NICN1: variants seen among roughly 807,000 people sequenced by gnomAD.
NICN1 encodes nicolin 1, tubulin polyglutamylase complex subunit, also known as nicolin-1.
A neutral mutation model predicts 26.3 loss-of-function variants in NICN1; 18 were observed. The observed-to-expected ratio is 0.68, with a 90% confidence interval of 0.47 to 1.01. The LOEUF is 1.01. Among genes scored for constraint, NICN1 ranks in the 50% least tolerant of loss-of-function variants. The probability of loss-of-function intolerance (pLI) is 0.00; values close to 1 mark genes in which losing one functional copy is unlikely to be tolerated. For missense variants in NICN1, 239 were observed against 278.3 expected (o/e 0.86, Z 1.00); for synonymous variants, 109 against 111.0 (o/e 0.98, Z 0.11).
chr3:49,425,384 G>T lies in NICN1; in HGVS notation c.478C>A (p.Pro160Thr), dbSNP rs548393212. The T allele has an allele frequency of 6.2e-7, 1 of 1,613,238 alleles. No homozygotes were observed. The highest frequency in any genetic ancestry group is 8.5e-7 in the Non-Finnish European group (1 of 1,179,820). ...WLSHPVPCEQ[P>T]ALLREGLPDP... ...GGGCTTACCTCACGGAGGAGTGCAGGTTGCTCACAGGGCACTGGGTGGGAG... is the reference window on the plus strand; with the variant it reads ...GGGCTTACCTCACGGAGGAGTGCAGTTTGCTCACAGGGCACTGGGTGGGAG... The change falls in exon 4 of 6, where the codon CCT becomes ACT. Residue 160 changes from proline (P) to threonine (T), a missense_variant. Physicochemically the swap from Pro to Thr is conservative, Grantham distance 38. Coordinates refer to ENST00000273598, the MANE Select transcript of NICN1 (RefSeq NM_032316.3).
chr3:49,426,009 C>T lies in NICN1; in HGVS notation c.310-13G>A. On this transcript the variant is annotated splice_polypyrimidine_tract_variant and intron_variant, in intron 2 of 5. Transcript: ENST00000273598. ...TGTCACACAGCATCTGACACACACA[C>T]ACAAGGACCCAGCAAGGATCCAGCT... 6.5e-7 allele frequency: 1 copy of T among 1,533,658 alleles called. No homozygotes were observed. The highest frequency in any genetic ancestry group is 1.1e-5 in the South Asian group (1 of 88,560).
chr3:49,428,661 C>T (rs530012780), intron 1 of NICN1, among the ~76,000 whole-genome samples: 203 of 146,076 alleles, frequency 1.4e-3, no homozygotes, highest in Non-Finnish European at 2.4e-3. Context: ...GCAGAGGTTG[C>T]GGTGAGCCGA....
Position 49,424,746 on chromosome 3 carries a change from G to T in NICN1, c.*87C>A. ...CAGGCATGCAGGCAACACTTGGAAT[G>T]CACAGGAAATACACTTCAGCCTCTG... On this transcript the variant is annotated 3_prime_UTR_variant, in exon 6 of 6. Coordinates refer to ENST00000273598, the MANE Select transcript of NICN1 (RefSeq NM_032316.3). 2 of 1,067,068 alleles carry T rather than the reference G, an allele frequency of 1.9e-6. No individual in the cohort carries two copies. The highest frequency in any genetic ancestry group is 2.9e-6 in the Non-Finnish European group (2 of 682,044). The allele number at this position is 1,067,068 out of a possible 1,614,324, so 66.1% of individuals were successfully genotyped here.
Position 49,424,994 on chromosome 3 carries a change from C to G in NICN1, c.555G>C (p.Glu185Asp). ...CGGAGGTGTGACTGGCCCGGATCAT[C>G]TCTGTCAGTGCCCACATCTGCTGCA... ...SEVQQMWALT[E>D]MIRASHTSAR... Residue 185 changes from glutamate (E) to aspartate (D), a missense_variant, in exon 5 of 6, where the codon GAG becomes GAC. By Grantham distance (45) the Glu-to-Asp change is conservative. Transcript: ENST00000273598. 2 of 1,614,146 alleles carry G rather than the reference C, an allele frequency of 1.2e-6. No homozygotes were observed. Among genetic ancestry groups the G allele is most frequent in the Middle Eastern group, 1.7e-4 (1 of 6,054 alleles).
At chr3:49,428,077 G>C (rs553665802) in intron 1 of NICN1, among the ~76,000 whole-genome samples, 2 of 152,028 alleles carry the variant, frequency 1.3e-5, no homozygotes, top group Non-Finnish European at 2.9e-5. Context: ...AAATTTAGCC[G>C]GGCGTGATGG....
At position 49,424,953 on chromosome 3, in the gene NICN1, A is replaced by G; in HGVS notation, c.596T>C (p.Phe199Ser). 6.2e-7 allele frequency: 1 copy of G among 1,614,080 alleles called. No homozygotes were observed. The highest frequency in any genetic ancestry group is 8.5e-7 in the Non-Finnish European group (1 of 1,179,978). The change falls in exon 5 of 6, where the codon TTT becomes TCT. Residue 199 changes from phenylalanine to serine, a missense_variant. Coordinates refer to ENST00000273598, the MANE Select transcript of NICN1 (RefSeq NM_032316.3). ...ASHTSARIGRFDVDGCYDLNL... is the reference protein window; with the variant it reads ...ASHTSARIGRSDVDGCYDLNL... Reference sequence around the variant, plus strand: ...CAGAAGGAAGCGATTACTTACATCAAAGCGGCCGATCCTTGCGGAGGTGTG... The same window carrying G: ...CAGAAGGAAGCGATTACTTACATCAGAGCGGCCGATCCTTGCGGAGGTGTG...
chr3:49,427,149 G>A (rs969197537), intron 1 of NICN1, among the ~76,000 whole-genome samples: 164 of 151,978 alleles, frequency 1.1e-3, no homozygotes, highest in South Asian at 2.1e-3. Context: ...GTGAAACCCC[G>A]TCTCTACTAA....
chr3:49,422,515 G>A lies in NICN1; in HGVS notation c.*2318C>T, dbSNP rs1390312587. 1 of 1,517,800 alleles carries A rather than the reference G, an allele frequency of 6.6e-7. No homozygotes were observed. 94.0% of individuals were successfully genotyped at this position (1,517,800 alleles called of 1,614,324 possible). On this transcript the variant is annotated 3_prime_UTR_variant, in exon 6 of 6. Transcript: ENST00000273598. ...CACACTGCCAGGCACGCCGGGAGATGTAGTCCAGGCCTCTGCTCGGACAGG... is the reference window on the plus strand; with the variant it reads ...CACACTGCCAGGCACGCCGGGAGATATAGTCCAGGCCTCTGCTCGGACAGG...
Position 49,425,425 on chromosome 3 carries a change from G to C in NICN1, c.437C>G (p.Thr146Ser). ...YQQGPKSPSV[T>S]FPKWLSHPVP... ...TGGGTGGGAGAGCCACTTGGGAAAG[G>C]TCACGGAGGGGCTCTGCAAAGCAAA... The change falls in exon 4 of 6, where the codon ACC (threonine) becomes AGC (serine). Residue 146 changes from threonine to serine, a missense_variant. Coordinates refer to ENST00000273598, the MANE Select transcript of NICN1 (RefSeq NM_032316.3). 4 of 1,612,436 alleles carry C rather than the reference G, an allele frequency of 2.5e-6. No homozygotes were observed. Among genetic ancestry groups the C allele is most frequent in the Non-Finnish European group, 3.4e-6 (4 of 1,179,492 alleles).
chr3:49,422,447 G>T lies in NICN1; in HGVS notation c.*2386C>A. ...CGGGCCACCACACTTACAGCCCTCT[G>T]CATCGTCGCCTGCAACGAGTGCAGA... On this transcript the variant is annotated 3_prime_UTR_variant, in exon 6 of 6. Transcript: ENST00000273598. The T allele has an allele frequency of 6.2e-7, 1 of 1,613,088 alleles. No individual in the cohort carries two copies. The highest frequency in any genetic ancestry group is 8.5e-7 in the Non-Finnish European group (1 of 1,179,906).
chr3:49,424,466 T>G lies in NICN1; in HGVS notation c.*367A>C. The G allele has an allele frequency of 5.2e-6, 2 of 381,438 alleles. No individual in the cohort carries two copies. The highest frequency in any genetic ancestry group is 2.0e-5 in the African/African-American group (1 of 48,916). 23.6% of individuals were successfully genotyped at this position (381,438 alleles called of 1,614,324 possible). ...CTTCCAGGTCCATACATGGAGCAGG[T>G]TTTAGTAGGTCAGCCCAGCCCAACT... On this transcript the variant is annotated 3_prime_UTR_variant, in exon 6 of 6. Transcript: ENST00000273598.
In NICN1 at chr3:49,429,143, T is replaced by C. The variant is rs1422632700; in HGVS notation, c.97A>G (p.Ile33Val). Residue 33 changes from isoleucine to valine, a missense_variant, in exon 1 of 6, where the codon ATC becomes GTC. Physicochemically the swap from Ile to Val is conservative, Grantham distance 29. Transcript: ENST00000273598. ...TSQGRPGVLV[I>V]DVTFPSVAPF... ...GCGACGCTGGGGAAGGTGACATCGA[T>C]GACCAGCACGCCAGGCCGGCCTTGG... The C allele has an allele frequency of 6.2e-7, 1 of 1,610,888 alleles. No homozygotes were observed. Among genetic ancestry groups the C allele is most frequent in the Admixed American group, 1.7e-5 (1 of 59,800 alleles).
chr3:49,425,157 C>A, intron 4 of NICN1, 104 bp from the exon 5 acceptor site: 1 of 939,636 alleles, frequency 1.1e-6, no homozygotes, highest in Non-Finnish European at 1.7e-6. Context: ...CTGAGACCAA[C>A]AACATTCTCA....
chr3:49,429,137 C>A lies in NICN1; in HGVS notation c.103G>T (p.Val35Phe). 9 of 1,610,586 alleles carry A rather than the reference C, an allele frequency of 5.6e-6. No homozygotes were observed. Among genetic ancestry groups the A allele is most frequent in the Non-Finnish European group, 7.6e-6 (9 of 1,178,520 alleles). Reference sequence around the variant, plus strand: ...AAGGGAGCGACGCTGGGGAAGGTGACATCGATGACCAGCACGCCAGGCCGG... The same window carrying A: ...AAGGGAGCGACGCTGGGGAAGGTGAAATCGATGACCAGCACGCCAGGCCGG... The part of the protein sequence containing the change: ...QGRPGVLVID[V>F]TFPSVAPFEL... The change falls in exon 1 of 6, where the codon GTC (valine) becomes TTC (phenylalanine). Residue 35 changes from valine to phenylalanine, a missense_variant. Val to Phe is a conservative substitution (Grantham distance 50, BLOSUM62 -1). Coordinates refer to ENST00000273598, the MANE Select transcript of NICN1 (RefSeq NM_032316.3).
In NICN1 at chr3:49,426,241, G is replaced by T. The variant is rs370696181; in HGVS notation, c.309+11C>A. On this transcript the variant is annotated intron_variant, in intron 2 of 5. Transcript: ENST00000273598. ...TCTGGGCTGCCCTGGCCATCCTGAG[G>T]CCCAGCTGACCTGATGCTTGAACAG... 12 of 1,613,236 alleles carry T rather than the reference G, an allele frequency of 7.4e-6. No individual in the cohort carries two copies. In the African/African-American group the frequency reaches 1.3e-4, roughly 18 times the overall value.
At chr3:49,427,075 ACTTTCGGAGG>A (rs2049176485) in intron 1 of NICN1, among the ~76,000 whole-genome samples, 3 of 152,010 alleles carry the variant, frequency 2.0e-5, no homozygotes, top group Non-Finnish European at 4.4e-5. Context: ...TAATCCCAGC[ACTTTCGGAGG>A]CCGAGGCGGG....
intron 3 of NICN1, 145 bp downstream of exon 3, chr3:49,425,738 G>A: frequency 3.3e-6 from 2 of 600,490 alleles, no homozygotes; most frequent in South Asian, 2.0e-5. Context: ...ACCTCTCATT[G>A]TGAGCTTCCA....
At chr3:49,426,159 GC>G in intron 2 of NICN1, 92 bp downstream of exon 2, 1 of 1,346,636 alleles carries the variant, frequency 7.4e-7, no homozygotes, top group Admixed American at 2.0e-5. Flanking sequence ...GGCCAGACTG[GC>G]CCCCTCTTCC....
Position 49,425,946 on chromosome 3 carries a change from C to G in NICN1, c.360G>C (p.Gln120His), listed in dbSNP as rs766516451. 1.2e-6 allele frequency: 2 copies of G among 1,612,404 alleles called. No individual in the cohort carries two copies. Among genetic ancestry groups the G allele is most frequent in the African/African-American group, 2.7e-5 (2 of 74,914 alleles). Residue 120 changes from glutamine (Q) to histidine (H), a missense_variant, in exon 3 of 6, where the codon CAG becomes CAC. By Grantham distance (24) the Gln-to-His change is conservative. Transcript: ENST00000273598. Reference protein sequence around the residue: ...RISELRLILRQPSPLWLSFTV... With the variant: ...RISELRLILRHPSPLWLSFTV... ...TGAAAGACAGCCACAGTGGTGATGG[C>G]TGCCGCAGAATCAGGCGTAGCTCCG...
Sources: allele counts gnomAD v4.1 joint callset (sites outside exome capture counted in the v4.1 genomes callset), GRCh38; gene constraint gnomAD v4.1.1; transcripts MANE v1.5; gene names NCBI Gene and HGNC (gene_info 2026-07-23, HGNC 2026-07-21).